SMYD3: variants seen among roughly 807,000 people sequenced by gnomAD.
The protein encoded by SMYD3 is SET and MYND domain containing 3.
In SMYD3, 36 loss-of-function variants were observed where a neutral mutation model predicts 57.7. That is an observed-to-expected ratio of 0.62 (90% CI 0.48 to 0.82). SMYD3 has a LOEUF of 0.82. Ranked by LOEUF, SMYD3 falls within the 40% of genes least tolerant of loss-of-function variation. The pLI is 0.00. For synonymous variants in SMYD3, 211 were observed against 195.0 expected (o/e 1.08, Z -0.68); for missense variants, 515 against 538.8 (o/e 0.96, Z 0.44).
chr1:245,750,033 C>T (rs2045273120), intron 11 of SMYD3, among the ~76,000 whole-genome samples: 1 of 152,068 alleles, frequency 6.6e-6, no homozygotes, highest in Admixed American at 6.6e-5. Flanking sequence ...TTCTTTATTG[C>T]ACACTCCATT....
At chr1:246,360,912 CCAAAAGCAAACGCAA>C (rs1392744309) in intron 1 of SMYD3, among the ~76,000 whole-genome samples, 2 of 152,138 alleles carry the variant, frequency 1.3e-5, no homozygotes, top group African/African-American at 4.8e-5. Context: ...AACAAAGAAC[CCAAAAGCAAACGCAA>C]CAAAAGCAAA....
intron 10 of SMYD3, among the ~76,000 whole-genome samples, chr1:245,768,896 A>G (rs1192979710): frequency 6.6e-6 from 1 of 152,222 alleles, no homozygotes; most frequent in African/African-American, 2.4e-5. Flanking sequence ...CTGTGAGAAA[A>G]AAAAAAATTC....
intron 5 of SMYD3, among the ~76,000 whole-genome samples, chr1:246,301,234 A>G (rs994099102): frequency 3.9e-5 from 6 of 152,188 alleles, no homozygotes; most frequent in African/African-American, 1.4e-4. Flanking sequence ...AAATATTGAA[A>G]CTAGTCCCCA....
At chr1:246,117,665 G>A (rs968821567) in intron 5 of SMYD3, among the ~76,000 whole-genome samples, 1 of 152,126 alleles carries the variant, frequency 6.6e-6, no homozygotes, top group African/African-American at 2.4e-5. Context: ...ATGTCATGCA[G>A]GCAGCCAGAA....
At chr1:246,174,084 A>G (rs1243458198) in intron 5 of SMYD3, among the ~76,000 whole-genome samples, 2 of 152,182 alleles carry the variant, frequency 1.3e-5, no homozygotes, top group Non-Finnish European at 2.9e-5. Flanking sequence ...GGCTGGGACT[A>G]CAGGCATGAG....
At chr1:245,986,991 C>A (rs2058718133) in intron 5 of SMYD3, among the ~76,000 whole-genome samples, 1 of 152,192 alleles carries the variant, frequency 6.6e-6, no homozygotes, top group South Asian at 2.1e-4. Context: ...TGGCTCTCTG[C>A]TGGAGAGCAT....
intron 10 of SMYD3, among the ~76,000 whole-genome samples, chr1:245,836,106 C>T (rs1394833511): frequency 6.6e-6 from 1 of 152,178 alleles, no homozygotes; most frequent in Non-Finnish European, 1.5e-5. Context: ...CGAAAAATAT[C>T]CTTTGGCAAA....
intron 3 of SMYD3, among the ~76,000 whole-genome samples, chr1:246,334,674 A>G (rs1432625682): frequency 6.6e-6 from 1 of 152,206 alleles, no homozygotes; most frequent in African/African-American, 2.4e-5. Flanking sequence ...CATGCAATAT[A>G]CCCATGTAAC....
chr1:246,480,298 G>A (rs7521337), intron 1 of SMYD3, among the ~76,000 whole-genome samples: 37,299 of 151,908 alleles, frequency 0.25, 4,939 homozygotes, highest in Middle Eastern at 0.38. Flanking sequence ...ACACACCCAG[G>A]CTCTTTCATT....
rs115337042 is a variant in SMYD3, at chr1:246,439,543, C to T, written c.164+67511G>A. ...TTTGGTAACCCTCAAAGTATTTTAG[C>T]ATGGGGCCTGTTTCTTTCCTTAGTG... On this transcript the variant is annotated intron_variant, in intron 1 of 11. Transcript: ENST00000490107. Among the ~76,000 whole-genome samples, 837 of 152,252 alleles carry T rather than the reference C, an allele frequency of 5.5e-3. 7 individuals are homozygous for T. The highest frequency in any genetic ancestry group is 8.2e-3 in the Non-Finnish European group (558 of 68,008).
At chr1:246,479,472 T>C (rs2068074316) in intron 1 of SMYD3, among the ~76,000 whole-genome samples, 1 of 151,710 alleles carries the variant, frequency 6.6e-6, no homozygotes, top group African/African-American at 2.4e-5. Flanking sequence ...AAAATGCACG[T>C]GATGTGTTTG....
chr1:245,952,748 G>C (rs907869120), intron 5 of SMYD3, among the ~76,000 whole-genome samples: 2 of 152,164 alleles, frequency 1.3e-5, no homozygotes, highest in Admixed American at 6.5e-5. Flanking sequence ...GACAGATCAG[G>C]TTTTTACTAA....
intron 7 of SMYD3, among the ~76,000 whole-genome samples, chr1:245,917,064 G>A (rs2055484747): frequency 6.7e-6 from 1 of 148,182 alleles, no homozygotes; most frequent in South Asian, 2.1e-4. Context: ...GGGTCTCACT[G>A]TGCCACCAAG....
intron 7 of SMYD3, among the ~76,000 whole-genome samples, chr1:245,919,977 C>T (rs562300946): frequency 6.6e-6 from 1 of 152,270 alleles, no homozygotes; most frequent in African/African-American, 2.4e-5. Flanking sequence ...AACTCCTTTT[C>T]CATGAAACCA....
intron 5 of SMYD3, among the ~76,000 whole-genome samples, chr1:246,244,912 T>C (rs944068802): frequency 6.6e-6 from 1 of 152,196 alleles, no homozygotes; most frequent in African/African-American, 2.4e-5. Flanking sequence ...TCTGAATACA[T>C]ACCAAATGAT....
intron 11 of SMYD3, among the ~76,000 whole-genome samples, chr1:245,763,505 T>C (rs1257674700): frequency 6.6e-6 from 1 of 151,938 alleles, no homozygotes; most frequent in Non-Finnish European, 1.5e-5. Context: ...AAAAAATAGC[T>C]GTGTGAAGAT....
chr1:245,871,002 T>C (rs921889354), intron 8 of SMYD3, among the ~76,000 whole-genome samples: 5 of 152,214 alleles, frequency 3.3e-5, no homozygotes, highest in Non-Finnish European at 7.3e-5. Flanking sequence ...CAGTACTTCC[T>C]GTTATCCAGT....
chr1:245,949,244 C>A (rs2057532486), intron 5 of SMYD3, among the ~76,000 whole-genome samples: 2 of 152,168 alleles, frequency 1.3e-5, no homozygotes, highest in Admixed American at 1.3e-4. Context: ...AACTGACATG[C>A]CTAGACTTGC....
At chr1:246,219,914 C>T (rs1380133921) in intron 5 of SMYD3, among the ~76,000 whole-genome samples, 2 of 152,140 alleles carry the variant, frequency 1.3e-5, no homozygotes, top group African/African-American at 2.4e-5. Flanking sequence ...CTGACTCCAG[C>T]GACCATGTAC....
Sources: gnomAD v4.1 joint callset for allele counts (sites outside exome capture counted in the v4.1 genomes callset) on GRCh38, gnomAD v4.1.1 for gene constraint, MANE v1.5 for transcripts, NCBI Gene and HGNC (gene_info 2026-07-23, HGNC 2026-07-21) for gene names.